The following MYRIP variants were observed in gnomAD, a reference collection of about 807,000 sequenced individuals.
MYRIP encodes rab effector MyRIP.
A neutral mutation model predicts 98.0 loss-of-function variants in MYRIP; 49 were observed. The observed-to-expected ratio is 0.50, with a 90% CI of 0.40 to 0.63. The LOEUF (loss-of-function observed/expected upper bound fraction) is 0.63. MYRIP is among the 30% of genes least tolerant of loss of function. MYRIP has a pLI of 0.00. For synonymous variants in MYRIP, 404 were observed against 409.5 expected (o/e 0.99, Z 0.16); for missense variants, 1,004 against 1,058.2 (o/e 0.95, Z 0.71).
chr3:39,820,305 T>C (rs2125571292), intron 1 of MYRIP, among the ~76,000 whole-genome samples: 1 of 152,328 alleles, frequency 6.6e-6, no homozygotes, highest in South Asian at 2.1e-4. Flanking sequence ...CATTTTCTAG[T>C]CTGTCAAGCC....
chr3:39,869,704 G>C (rs1385687725), intron 1 of MYRIP, among the ~76,000 whole-genome samples: 1 of 152,052 alleles, frequency 6.6e-6, no homozygotes, highest in African/African-American at 2.4e-5. Flanking sequence ...ATCTTTCATA[G>C]TTTTACATGA....
intron 2 of MYRIP, among the ~76,000 whole-genome samples, chr3:39,901,570 G>A (rs909621074): frequency 6.6e-6 from 1 of 152,118 alleles, no homozygotes; most frequent in African/African-American, 2.4e-5. Context: ...ATAGAAATGA[G>A]GTCATGTGTT....
chr3:40,222,056 A>G (rs992856007), intron 11 of MYRIP, among the ~76,000 whole-genome samples: 2 of 152,126 alleles, frequency 1.3e-5, no homozygotes, highest in African/African-American at 4.8e-5. Context: ...TTTGCCCAGG[A>G]AAGAATTCAA....
intron 3 of MYRIP, among the ~76,000 whole-genome samples, chr3:40,058,990 G>A (rs1947944196): frequency 7.1e-6 from 1 of 140,478 alleles, no homozygotes; most frequent in Admixed American, 7.9e-5. Flanking sequence ...GTGTCCATGT[G>A]TTCTCATTGT....
At chr3:40,207,856 C>CAA (rs1160942835) in intron 10 of MYRIP, among the ~76,000 whole-genome samples, 1 of 152,114 alleles carries the variant, frequency 6.6e-6, no homozygotes, top group Non-Finnish European at 1.5e-5. Flanking sequence ...AATAATATAA[C>CAA]CAATTTCACC....
intron 3 of MYRIP, among the ~76,000 whole-genome samples, chr3:40,102,020 C>T (rs1948954688): frequency 6.6e-6 from 1 of 152,126 alleles, no homozygotes; most frequent in African/African-American, 2.4e-5. Context: ...TAGAGTCGGT[C>T]AGTTTCTCAG....
At position 39,945,957 on chromosome 3, in the gene MYRIP, A is replaced by G. The variant is rs150749628; in HGVS notation, c.110+45031A>G. Among the ~76,000 whole-genome samples the G allele has an allele frequency of 5.9e-3, 905 of 152,180 alleles. 9 individuals carry two copies. Among genetic ancestry groups the G allele is most frequent in the African/African-American group, 0.021 (852 of 41,542 alleles). On this transcript the variant is annotated intron_variant, in intron 2 of 16. Transcript: ENST00000302541. ...ATCTTTAGCTACTGTTTTATTCTCT[A>G]TGGTGATTGAGAAAATAGGATTAAG...
At chr3:39,822,783 G>A (rs1455662462) in intron 1 of MYRIP, among the ~76,000 whole-genome samples, 1 of 151,608 alleles carries the variant, frequency 6.6e-6, no homozygotes, top group Non-Finnish European at 1.5e-5. Context: ...AACATGCAGT[G>A]GTTAACTTTC....
At chr3:39,923,067 C>G (rs1944339347) in intron 2 of MYRIP, among the ~76,000 whole-genome samples, 1 of 151,812 alleles carries the variant, frequency 6.6e-6, no homozygotes, top group Non-Finnish European at 1.5e-5. Flanking sequence ...GTGAAAAATG[C>G]AATAACTGAA....
At chr3:40,191,570 C>T (rs1208080996) in intron 10 of MYRIP, among the ~76,000 whole-genome samples, 1 of 152,186 alleles carries the variant, frequency 6.6e-6, no homozygotes, top group East Asian at 1.9e-4. Flanking sequence ...TCAGCCACAT[C>T]CCTGGTCCTG....
intron 2 of MYRIP, among the ~76,000 whole-genome samples, chr3:39,928,498 A>C (rs1944468435): frequency 6.6e-6 from 1 of 151,972 alleles, no homozygotes; most frequent in Non-Finnish European, 1.5e-5. Flanking sequence ...AGTGAGGTTT[A>C]TTTCAGAGAT....
intron 2 of MYRIP, among the ~76,000 whole-genome samples, chr3:39,955,112 T>C (rs1429474871): frequency 2.6e-5 from 4 of 152,178 alleles, no homozygotes; most frequent in African/African-American, 9.7e-5. Flanking sequence ...CAGGATATTA[T>C]ACAGGAGAAC....
rs546949901 is a variant in MYRIP, at chr3:40,158,512, G to C, written c.470-4218G>C. ...AGAGTTCTGTAGATGTCTATTAGGT[G>C]TGCTTGGTGCAGAGCTGAGTTCAAT... On this transcript the variant is annotated intron_variant, in intron 4 of 16. Transcript: ENST00000302541. 3.5e-3 allele frequency among the ~76,000 whole-genome samples: 526 copies of C among 152,084 alleles called. 3 individuals carry two copies. Among genetic ancestry groups the C allele is most frequent in the African/African-American group, 0.012 (505 of 41,432 alleles).
At chr3:40,079,868 T>C (rs1355051919) in intron 3 of MYRIP, among the ~76,000 whole-genome samples, 2 of 152,264 alleles carry the variant, frequency 1.3e-5, no homozygotes, top group African/African-American at 2.4e-5. Flanking sequence ...GTGATTCCTT[T>C]TAAAAAATTA....
intron 2 of MYRIP, among the ~76,000 whole-genome samples, chr3:39,902,966 A>G (rs1943779849): frequency 6.6e-6 from 1 of 152,194 alleles, no homozygotes; most frequent in South Asian, 2.1e-4. Context: ...CCTGCTTATA[A>G]TGGAGAAAAT....
At chr3:40,092,681 GC>G (rs1306020806) in intron 3 of MYRIP, among the ~76,000 whole-genome samples, 1 of 152,116 alleles carries the variant, frequency 6.6e-6, no homozygotes, top group African/African-American at 2.4e-5. Flanking sequence ...GTAGGTATTG[GC>G]CCTTATTTAC....
At chr3:40,039,776 C>T (rs752284750) in intron 2 of MYRIP, among the ~76,000 whole-genome samples, 4 of 151,224 alleles carry the variant, frequency 2.6e-5, no homozygotes, top group Non-Finnish European at 4.4e-5. Flanking sequence ...GCTGCTGTAA[C>T]AAATTATCAC....
chr3:40,203,706 T>G (rs1329563851), intron 10 of MYRIP, among the ~76,000 whole-genome samples: 1 of 112,232 alleles, frequency 8.9e-6, no homozygotes, highest in Non-Finnish European at 1.8e-5. Context: ...TTTTTATATT[T>G]TATATATTTT....
chr3:40,003,167 A>G (rs1245241383), intron 2 of MYRIP, among the ~76,000 whole-genome samples: 2 of 152,016 alleles, frequency 1.3e-5, no homozygotes, highest in East Asian at 1.9e-4. Flanking sequence ...ATATAAATAC[A>G]GATAGATATA....
Sources: allele counts gnomAD v4.1 joint callset (sites outside exome capture counted in the v4.1 genomes callset), GRCh38; gene constraint gnomAD v4.1.1; transcripts MANE v1.5; gene names NCBI Gene and HGNC (gene_info 2026-07-23, HGNC 2026-07-21).